ERC2: variants seen among roughly 807,000 people sequenced by gnomAD.
ERC2 encodes the protein ELKS/RAB6-interacting/CAST family member 2.
A neutral mutation model predicts 114.8 loss-of-function variants in ERC2; 42 were observed. That is an observed-to-expected ratio of 0.37 (90% CI 0.29 to 0.47). The LOEUF is 0.47. Among genes scored for constraint, ERC2 ranks in the 20% least tolerant of loss-of-function variants. The pLI, the probability that ERC2 is intolerant of heterozygous loss-of-function variation, is 0.99. For synonymous variants in ERC2, 454 were observed against 425.5 expected (o/e 1.07, Z -0.82); for missense variants, 939 against 1,150.7 (o/e 0.82, Z 2.66).
intron 13 of ERC2, among the ~76,000 whole-genome samples, chr3:55,898,646 ATTAGC>A (rs576189419): frequency 9.1e-4 from 138 of 152,324 alleles, no homozygotes; most frequent in Non-Finnish European, 1.7e-3. Flanking sequence ...CAACAGTGGT[ATTAGC>A]TTAAACACTA....
chr3:56,364,681 T>C (rs2059085069), intron 2 of ERC2, among the ~76,000 whole-genome samples: 1 of 152,246 alleles, frequency 6.6e-6, no homozygotes, highest in Non-Finnish European at 1.5e-5. Context: ...TGCTTTGTGC[T>C]ACTTTTGTAT....
intron 14 of ERC2, among the ~76,000 whole-genome samples, chr3:55,798,277 A>G (rs1356142711): frequency 6.6e-6 from 1 of 152,172 alleles, no homozygotes; most frequent in Non-Finnish European, 1.5e-5. Context: ...ACAGAGCATT[A>G]AAGAAAAAAG....
intron 17 of ERC2, among the ~76,000 whole-genome samples, chr3:55,629,944 C>T (rs1022399080): frequency 2.6e-5 from 4 of 152,022 alleles, no homozygotes; most frequent in Admixed American, 6.6e-5. Context: ...AGAGGTCCTG[C>T]GTGGCAATAA....
At chr3:56,449,331 C>T (rs967579630) in intron 1 of ERC2, among the ~76,000 whole-genome samples, 1 of 152,150 alleles carries the variant, frequency 6.6e-6, no homozygotes, top group Non-Finnish European at 1.5e-5. Flanking sequence ...ATGCCAGGCA[C>T]AGGCTCCAGG....
At chr3:55,613,180 T>G (rs1325024453) in intron 17 of ERC2, 1 of 152,240 alleles carries the variant, frequency 6.6e-6, no homozygotes, top group African/African-American at 2.4e-5. Flanking sequence ...CCAGTTAGAA[T>G]ACCAGCTGAG....
At chr3:55,932,397 A>C (rs2066152252) in intron 13 of ERC2, among the ~76,000 whole-genome samples, 1 of 152,204 alleles carries the variant, frequency 6.6e-6, no homozygotes, top group African/African-American at 2.4e-5. Flanking sequence ...CACTTCATCA[A>C]ATTTAATCTT....
chr3:55,926,772 A>C (rs2065778387), intron 13 of ERC2, among the ~76,000 whole-genome samples: 1 of 152,006 alleles, frequency 6.6e-6, no homozygotes, highest in African/African-American at 2.4e-5. Context: ...AGCACTCCAC[A>C]AGTTTTTCAT....
chr3:56,074,589 A>G (rs944073874), intron 7 of ERC2, among the ~76,000 whole-genome samples: 4 of 152,130 alleles, frequency 2.6e-5, no homozygotes, highest in Non-Finnish European at 5.9e-5. Context: ...TGTAAATACC[A>G]CATTTCTTTT....
intron 14 of ERC2, 96 bp downstream of exon 14, chr3:55,888,293 T>G: frequency 7.2e-7 from 1 of 1,387,088 alleles, no homozygotes; most frequent in Non-Finnish European, 9.8e-7. Context: ...TTATTCTTTT[T>G]CTGAGCTCTT....
At chr3:55,520,274 A>T (rs925225390) in intron 17 of ERC2, among the ~76,000 whole-genome samples, 1 of 150,438 alleles carries the variant, frequency 6.6e-6, no homozygotes, top group Non-Finnish European at 1.5e-5. Flanking sequence ...TGTCTCTACT[A>T]AAAATAAAAA....
intron 15 of ERC2, among the ~76,000 whole-genome samples, chr3:55,709,295 T>C (rs763407447): frequency 1.9e-4 from 29 of 152,262 alleles, no homozygotes; most frequent in African/African-American, 7.0e-4. Flanking sequence ...TCACATACCC[T>C]TGGAGGCAAG....
intron 15 of ERC2, among the ~76,000 whole-genome samples, chr3:55,703,920 G>A (rs1310457089): frequency 2.0e-5 from 3 of 152,168 alleles, no homozygotes; most frequent in East Asian, 3.9e-4. Flanking sequence ...CCATTCCTTA[G>A]CTAATTGGAC....
intron 14 of ERC2, among the ~76,000 whole-genome samples, chr3:55,852,217 C>A (rs2061604176): frequency 6.6e-6 from 1 of 152,126 alleles, no homozygotes; most frequent in African/African-American, 2.4e-5. Flanking sequence ...GAGTCTCTGT[C>A]TCGAAAACAA....
chr3:56,054,598 C>T (rs1446360349), intron 7 of ERC2, among the ~76,000 whole-genome samples: 3 of 152,186 alleles, frequency 2.0e-5, no homozygotes, highest in African/African-American at 7.2e-5. Context: ...TCATTTCATT[C>T]TCCTAATAAT....
chr3:56,081,120 T>C, intron 6 of ERC2, 136 bp from the exon 7 acceptor site: 1 of 832,630 alleles, frequency 1.2e-6, no homozygotes, highest in Non-Finnish European at 1.8e-6. Context: ...TCATGGCACC[T>C]CACTGCCCTG....
At chr3:55,622,903 CA>C (rs1412197046) in intron 17 of ERC2, among the ~76,000 whole-genome samples, 1 of 152,062 alleles carries the variant, frequency 6.6e-6, no homozygotes, top group East Asian at 1.9e-4. Flanking sequence ...CATGCTGATT[CA>C]AACCCAGAAA....
intron 2 of ERC2, among the ~76,000 whole-genome samples, chr3:56,405,455 G>C (rs2060679749): frequency 6.6e-6 from 1 of 152,072 alleles, no homozygotes; most frequent in Non-Finnish European, 1.5e-5. Context: ...AGAAGGGATG[G>C]ACCCAGACTG....
chr3:55,531,673 C>T (rs1262763117), intron 17 of ERC2, among the ~76,000 whole-genome samples: 1 of 152,200 alleles, frequency 6.6e-6, no homozygotes, highest in East Asian at 1.9e-4. Context: ...CATTCTCCCT[C>T]TGATTTCAAC....
chr3:55,979,106 G>A (rs932935492), intron 12 of ERC2, among the ~76,000 whole-genome samples: 4 of 152,114 alleles, frequency 2.6e-5, no homozygotes, highest in African/African-American at 7.2e-5. Flanking sequence ...TTCTCTCCAC[G>A]GTAATTATCT....
Sources: gnomAD v4.1 joint callset for allele counts (sites outside exome capture counted in the v4.1 genomes callset) on GRCh38, gnomAD v4.1.1 for gene constraint, MANE v1.5 for transcripts, NCBI Gene and HGNC (gene_info 2026-07-23, HGNC 2026-07-21) for gene names.